MYRIP: variants seen among roughly 807,000 people sequenced by gnomAD.
MYRIP encodes myosin VIIA and Rab interacting protein.
A neutral mutation model predicts 98.0 loss-of-function variants in MYRIP; 49 were observed. The ratio of observed to expected loss-of-function variants is 0.50; its 90% CI spans 0.40 to 0.63. The LOEUF is 0.63. Ranked by LOEUF, MYRIP falls within the 30% of genes least tolerant of loss-of-function variation. The pLI, the probability that MYRIP is intolerant of heterozygous loss-of-function variation, is 0.00. For synonymous variants in MYRIP, 404 were observed against 409.5 expected, an observed-to-expected ratio of 0.99 and a Z score of 0.16; for missense variants, 1,004 against 1,058.2, an observed-to-expected ratio of 0.95 and a Z score of 0.71.
At chr3:39,921,881 CAAAAAAAAAAAAA>C (rs34179419) in intron 2 of MYRIP, among the ~76,000 whole-genome samples, 1 of 75,906 alleles carries the variant, frequency 1.3e-5, no homozygotes, top group African/African-American at 5.3e-5. Flanking sequence ...GACTCCGTCT[CAAAAAAAAAAAAA>C]AAAAAAAAAG....
chr3:40,008,797 G>T (rs372752674), intron 2 of MYRIP, among the ~76,000 whole-genome samples: 5 of 152,330 alleles, frequency 3.3e-5, no homozygotes, highest in African/African-American at 7.2e-5. Flanking sequence ...AGAACACGAA[G>T]TCAAAAGAAT....
At chr3:40,207,877 G>A (rs1951826808) in intron 10 of MYRIP, among the ~76,000 whole-genome samples, 1 of 152,092 alleles carries the variant, frequency 6.6e-6, no homozygotes, top group African/African-American at 2.4e-5. Context: ...ATTATTGTTA[G>A]AATCTAGAGA....
At chr3:40,215,008 A>G (rs563020731) in intron 11 of MYRIP, among the ~76,000 whole-genome samples, 1 of 152,318 alleles carries the variant, frequency 6.6e-6, no homozygotes, top group East Asian at 1.9e-4. Context: ...TAGAATACAT[A>G]GGTTTTTGCT....
intron 3 of MYRIP, among the ~76,000 whole-genome samples, chr3:40,070,143 A>G (rs1294151642): frequency 6.6e-6 from 1 of 152,216 alleles, no homozygotes; most frequent in East Asian, 1.9e-4. Flanking sequence ...AAAACAGAAC[A>G]TAATACTTGA....
chr3:40,147,576 G>T (rs1300081859), intron 3 of MYRIP, among the ~76,000 whole-genome samples: 1 of 152,042 alleles, frequency 6.6e-6, no homozygotes, highest in Non-Finnish European at 1.5e-5. Flanking sequence ...GTTATTCTTG[G>T]CTATAACACT....
chr3:40,136,199 C>A (rs965270303), intron 3 of MYRIP, among the ~76,000 whole-genome samples: 1 of 151,938 alleles, frequency 6.6e-6, no homozygotes, highest in Non-Finnish European at 1.5e-5. Context: ...ATCTACCAAG[C>A]AAATGGAAAA....
At chr3:39,918,518 A>G (rs1944227909) in intron 2 of MYRIP, among the ~76,000 whole-genome samples, 1 of 152,140 alleles carries the variant, frequency 6.6e-6, no homozygotes, top group South Asian at 2.1e-4. Flanking sequence ...CATCCTGCCT[A>G]ATGAGGCCTG....
chr3:40,179,090 A>G (rs563873322), intron 8 of MYRIP, among the ~76,000 whole-genome samples: 15 of 152,366 alleles, frequency 9.8e-5, no homozygotes, highest in African/African-American at 3.4e-4. Flanking sequence ...TAATAAACAA[A>G]TAAATTACTC....
chr3:40,247,763 A>G (rs1283924624), intron 13 of MYRIP, among the ~76,000 whole-genome samples: 1 of 152,170 alleles, frequency 6.6e-6, no homozygotes, highest in African/African-American at 2.4e-5. Context: ...ACCTCAAGTA[A>G]TCCACCAGCC....
At chr3:39,924,649 A>G (rs1200914305) in intron 2 of MYRIP, among the ~76,000 whole-genome samples, 2 of 152,094 alleles carry the variant, frequency 1.3e-5, no homozygotes, top group African/African-American at 2.4e-5. Context: ...GGACATTTAT[A>G]GAACACTTCC....
At chr3:39,928,088 G>A (rs1944457480) in intron 2 of MYRIP, among the ~76,000 whole-genome samples, 1 of 151,842 alleles carries the variant, frequency 6.6e-6, no homozygotes, top group Non-Finnish European at 1.5e-5. Flanking sequence ...TGAACTTAGA[G>A]AATTTCAGTT....
intron 3 of MYRIP, among the ~76,000 whole-genome samples, chr3:40,066,944 T>G (rs1325834673): frequency 6.6e-6 from 1 of 152,230 alleles, no homozygotes; most frequent in Non-Finnish European, 1.5e-5. Context: ...TATTTCTTCA[T>G]GTAGAAGGCA....
At chr3:40,170,785 TCA>T (rs1950595378) in intron 8 of MYRIP, among the ~76,000 whole-genome samples, 1 of 152,162 alleles carries the variant, frequency 6.6e-6, no homozygotes, top group Non-Finnish European at 1.5e-5. Context: ...ATATAGGTGC[TCA>T]CAGTCTGGGA....
chr3:39,873,197 C>A (rs1942860117), intron 1 of MYRIP, among the ~76,000 whole-genome samples: 2 of 151,852 alleles, frequency 1.3e-5, no homozygotes, highest in African/African-American at 4.8e-5. Flanking sequence ...TTGTTTTTTT[C>A]TTGTACATTT....
chr3:40,058,130 C>T (rs148145557), intron 3 of MYRIP, among the ~76,000 whole-genome samples: 212 of 152,172 alleles, frequency 1.4e-3, no homozygotes, highest in Middle Eastern at 0.01. Context: ...TTTTTTAGCA[C>T]GCAAACAATT....
intron 1 of MYRIP, among the ~76,000 whole-genome samples, chr3:39,852,174 C>G (rs937636430): frequency 2.0e-5 from 3 of 152,098 alleles, no homozygotes; most frequent in African/African-American, 7.2e-5. Flanking sequence ...GTGATCCCAC[C>G]CAAACTTGGA....
chr3:40,228,691 C>T (rs1311160495), intron 11 of MYRIP, among the ~76,000 whole-genome samples: 2 of 152,354 alleles, frequency 1.3e-5, no homozygotes, highest in Non-Finnish European at 2.9e-5. Flanking sequence ...AATCTCTCTT[C>T]TGCTCCAGGC....
intron 3 of MYRIP, among the ~76,000 whole-genome samples, chr3:40,093,914 C>T (rs1252454264): frequency 1.3e-5 from 2 of 152,210 alleles, no homozygotes; most frequent in East Asian, 3.8e-4. Context: ...GGCCCACCAG[C>T]TTTTCCACCT....
At chr3:40,062,085 A>T (rs975298443) in intron 3 of MYRIP, among the ~76,000 whole-genome samples, 2 of 152,192 alleles carry the variant, frequency 1.3e-5, no homozygotes, top group Non-Finnish European at 2.9e-5. Context: ...GCTGTGCAGA[A>T]GCTCTTAAGT....
Sources: allele counts gnomAD v4.1 joint callset (sites outside exome capture counted in the v4.1 genomes callset), GRCh38; gene constraint gnomAD v4.1.1; transcripts MANE v1.5; gene names NCBI Gene and HGNC (gene_info 2026-07-23, HGNC 2026-07-21).